ADK: variants seen among roughly 807,000 people sequenced by gnomAD.
ADK encodes adenosine kinase.
In ADK, 24 loss-of-function variants were observed where a neutral mutation model predicts 44.7. That is an observed-to-expected ratio of 0.54 (90% CI 0.39 to 0.76). The LOEUF (loss-of-function observed/expected upper bound fraction) is 0.76, where lower values mean the gene tolerates loss of function less well. Among genes scored for constraint, ADK ranks in the 30% least tolerant of loss-of-function variants. The pLI, the probability that ADK is intolerant of heterozygous loss-of-function variation, is 0.00. For missense variants in ADK, 321 were observed against 425.1 expected, an observed-to-expected ratio of 0.76 and a Z score of 2.15; for synonymous variants, 128 against 142.6, an observed-to-expected ratio of 0.90 and a Z score of 0.73.
At chr10:74,620,517 G>T (rs138491734) in intron 9 of ADK, among the ~76,000 whole-genome samples, 4 of 152,218 alleles carry the variant, frequency 2.6e-5, no homozygotes, top group African/African-American at 7.2e-5. Flanking sequence ...CCATTTATCT[G>T]TTGTTGGACA....
chr10:74,588,974 A>G lies in ADK; in HGVS notation c.727-308A>G, dbSNP rs111374822. 2.2e-3 allele frequency among the ~76,000 whole-genome samples: 341 copies of G among 152,340 alleles called. 2 individuals are homozygous for G. Among genetic ancestry groups the G allele is most frequent in the African/African-American group, 7.7e-3 (322 of 41,576 alleles). On this transcript the variant is annotated intron_variant, in intron 7 of 10. Transcript: ENST00000539909. Reference sequence around the variant, plus strand: ...TAATTAAAAACACAACCACCAGCATATTCCTTGGATTGTCTTTCTTTGCTG... The same window carrying G: ...TAATTAAAAACACAACCACCAGCATGTTCCTTGGATTGTCTTTCTTTGCTG...
At chr10:74,290,096 A>ACACACT (rs1165450686) in intron 3 of ADK, among the ~76,000 whole-genome samples, 14 of 152,012 alleles carry the variant, frequency 9.2e-5, no homozygotes, top group African/African-American at 3.1e-4. Context: ...ACACACACAC[A>ACACACT]CACACTCACA....
intron 6 of ADK, among the ~76,000 whole-genome samples, chr10:74,424,169 C>G (rs1043466568): frequency 6.6e-6 from 1 of 152,212 alleles, no homozygotes; most frequent in African/African-American, 2.4e-5. Flanking sequence ...TCTCTCCCCC[C>G]ACCCCTGGTG....
intron 1 of ADK, among the ~76,000 whole-genome samples, chr10:74,179,268 T>G (rs1842453948): frequency 6.6e-6 from 1 of 152,200 alleles, no homozygotes; most frequent in Non-Finnish European, 1.5e-5. Context: ...TCTTTAGTTT[T>G]TGCAATAATG....
intron 6 of ADK, among the ~76,000 whole-genome samples, chr10:74,419,620 C>CTATAAG (rs1844489421): frequency 6.6e-6 from 1 of 152,096 alleles, no homozygotes; most frequent in Non-Finnish European, 1.5e-5. Flanking sequence ...AAGACAGCTG[C>CTATAAG]TATAAGTATG....
rs78441424 is a variant in ADK at position 74,416,298 on chromosome 10, A to G, written c.555+17719A>G. Among the ~76,000 whole-genome samples, 767 of 152,068 alleles carry G rather than the reference A, an allele frequency of 5.0e-3. 12 individuals carry two copies. The highest frequency in any genetic ancestry group is 0.017 in the African/African-American group (715 of 41,544). Reference sequence around the variant, plus strand: ...ATTTTCAGACCAATATTGGTTTCTCATCTATATAATAGGGATCTTTTGACT... The same window carrying G: ...ATTTTCAGACCAATATTGGTTTCTCGTCTATATAATAGGGATCTTTTGACT... On this transcript the variant is annotated intron_variant, in intron 6 of 10. Transcript: ENST00000539909.
intron 4 of ADK, among the ~76,000 whole-genome samples, chr10:74,343,247 T>C (rs1449349630): frequency 6.6e-6 from 1 of 152,144 alleles, no homozygotes; most frequent in East Asian, 1.9e-4. Context: ...CACTGCATAG[T>C]CTAAAATCCA....
intron 7 of ADK, among the ~76,000 whole-genome samples, chr10:74,580,195 G>A (rs925175689): frequency 6.6e-6 from 1 of 152,270 alleles, no homozygotes; most frequent in Admixed American, 6.5e-5. Context: ...GGGACCCAGT[G>A]GGAGGTAATT....
At chr10:74,475,751 GAAAT>G (rs1358003294) in intron 6 of ADK, among the ~76,000 whole-genome samples, 1 of 139,576 alleles carries the variant, frequency 7.2e-6, no homozygotes, top group Non-Finnish European at 1.5e-5. Flanking sequence ...GAGAAAGAGA[GAAAT>G]AAAAGAAGAA....
intron 10 of ADK, among the ~76,000 whole-genome samples, chr10:74,691,550 A>T (rs949486588): frequency 2.6e-5 from 4 of 152,178 alleles, no homozygotes; most frequent in Admixed American, 6.5e-5. Flanking sequence ...GAATTATTAC[A>T]ATCAGGAATG....
chr10:74,235,745 G>A (rs1844934778), intron 3 of ADK, among the ~76,000 whole-genome samples: 1 of 152,096 alleles, frequency 6.6e-6, no homozygotes, highest in Non-Finnish European at 1.5e-5. Flanking sequence ...TTGAATGTTT[G>A]TCCCCTCCAA....
intron 6 of ADK, among the ~76,000 whole-genome samples, chr10:74,502,673 G>A (rs1847923573): frequency 6.6e-6 from 1 of 152,126 alleles, no homozygotes; most frequent in Non-Finnish European, 1.5e-5. Context: ...GAAGCTAGAA[G>A]ATCTGTTTTC....
chr10:74,441,505 A>C (rs185997383), intron 6 of ADK, among the ~76,000 whole-genome samples: 1 of 152,246 alleles, frequency 6.6e-6, no homozygotes, highest in Non-Finnish European at 1.5e-5. Context: ...ATGTTCATCA[A>C]CTGCTGAATG....
At chr10:74,258,068 TTTTA>T (rs1845893607) in intron 3 of ADK, among the ~76,000 whole-genome samples, 1 of 152,206 alleles carries the variant, frequency 6.6e-6, no homozygotes, top group Non-Finnish European at 1.5e-5. Context: ...ATAAATTAGT[TTTTA>T]TTTATTTTTA....
Position 74,528,048 on chromosome 10 carries a change from A to C in ADK, c.726+2622A>C. 3.2e-6 allele frequency: 3 copies of C among 943,420 alleles called. No individual in the cohort carries two copies. In the South Asian group the frequency reaches 3.9e-5, roughly 12 times the overall value. 58.4% of individuals were successfully genotyped at this position (943,420 alleles called of 1,614,324 possible). ...TATTCGGCAATAAAACCCAGAGTAA[A>C]CTCTTAAGATAAAATGACGACGTCC... On this transcript the variant is annotated intron_variant, in intron 7 of 10. Coordinates refer to ENST00000539909, the MANE Select transcript of ADK (RefSeq NM_006721.4).
intron 4 of ADK, among the ~76,000 whole-genome samples, chr10:74,320,315 T>A (rs1840765790): frequency 6.6e-6 from 1 of 152,234 alleles, no homozygotes; most frequent in Non-Finnish European, 1.5e-5. Context: ...TGGTTTCTGA[T>A]GAGAATTAGT....
At chr10:74,408,883 G>C (rs1465916814) in intron 6 of ADK, among the ~76,000 whole-genome samples, 1 of 152,106 alleles carries the variant, frequency 6.6e-6, no homozygotes, top group East Asian at 1.9e-4. Flanking sequence ...TGTCTCAGAG[G>C]TTGGCAGAGG....
chr10:74,637,292 C>T (rs149587751), intron 9 of ADK, among the ~76,000 whole-genome samples: 12 of 151,854 alleles, frequency 7.9e-5, no homozygotes, highest in African/African-American at 2.9e-4. Context: ...ACCACTGGCA[C>T]AGTTTTTTTC....
At chr10:74,198,340 T>A (rs1401048017) in intron 1 of ADK, among the ~76,000 whole-genome samples, 1 of 152,226 alleles carries the variant, frequency 6.6e-6, no homozygotes, top group Non-Finnish European at 1.5e-5. Flanking sequence ...CCTCCTCCAC[T>A]CAGCTTTCTT....
Sources: allele counts gnomAD v4.1 joint callset (sites outside exome capture counted in the v4.1 genomes callset), GRCh38; gene constraint gnomAD v4.1.1; transcripts MANE v1.5; gene names NCBI Gene and HGNC (gene_info 2026-07-23, HGNC 2026-07-21).